ARL5A: variants seen among roughly 807,000 people sequenced by gnomAD.
The protein encoded by ARL5A is ADP-ribosylation factor-like protein 5A.
Under a neutral mutation model 25.9 loss-of-function variants are expected in ARL5A, and 18 were observed. The observed-to-expected ratio is 0.69, with a 90% confidence interval of 0.48 to 1.03. The LOEUF (loss-of-function observed/expected upper bound fraction) is 1.03. ARL5A is among the 50% of genes least tolerant of loss of function. The pLI is 0.00. For missense variants in ARL5A, 170 were observed against 211.9 expected (o/e 0.80, Z 1.23); for synonymous variants, 61 against 67.5 (o/e 0.90, Z 0.47).
At chr2:151,825,216 T>TA (rs945542213) in intron 1 of ARL5A, among the ~76,000 whole-genome samples, 6 of 151,956 alleles carry the variant, frequency 3.9e-5, no homozygotes, top group Non-Finnish European at 7.4e-5. Context: ...AGCTCTTCTA[T>TA]AAAAAAAAGT....
rs1224737339 is a variant in ARL5A at position 151,814,283 on chromosome 2, T to A, written c.141A>T (p.Thr47=). 2 of 1,590,432 alleles carry A rather than the reference T, an allele frequency of 1.3e-6. No homozygotes were observed. ...SMNEVVHTSP[T]IGSNVEEIVI... ...CTATCTCTTCTACATTACTTCCTATTGTAGGAGATGTATGTACAACTTCAT... is the reference window on the plus strand; with the variant it reads ...CTATCTCTTCTACATTACTTCCTATAGTAGGAGATGTATGTACAACTTCAT... The change falls in exon 3 of 6, where the codon ACA becomes ACT. Residue 47 remains threonine, a synonymous_variant. Transcript: ENST00000295087.
intron 4 of ARL5A, among the ~76,000 whole-genome samples, 191 bp downstream of exon 4, chr2:151,812,166 C>T (rs571171474): frequency 6.6e-6 from 1 of 152,268 alleles, no homozygotes; most frequent in African/African-American, 2.4e-5. Flanking sequence ...CAACTTACTC[C>T]ATAATCTTTC....
chr2:151,819,881 C>T (rs1311618365), intron 1 of ARL5A, among the ~76,000 whole-genome samples: 1 of 152,106 alleles, frequency 6.6e-6, no homozygotes, highest in African/African-American at 2.4e-5. Flanking sequence ...TGGTGAAACC[C>T]CATCTCTACT....
At position 151,828,415 on chromosome 2, in the gene ARL5A, T is replaced by A. The variant is rs1368074883; in HGVS notation, c.-239A>T. ...TGGCTCGCGGACATCGCCGCCGCGT[T>A]GTCTGCGACGAGCCTCGCGGGCCAC... On this transcript the variant is annotated 5_prime_UTR_variant, in exon 1 of 6. Coordinates refer to ENST00000295087, the MANE Select transcript of ARL5A (RefSeq NM_012097.4). 1.1e-5 allele frequency: 4 copies of A among 370,872 alleles called. No homozygotes were observed. Among genetic ancestry groups the A allele is most frequent in the Admixed American group, 4.8e-5 (1 of 20,692 alleles). The allele number at this position is 370,872 out of a possible 1,614,324, so 23.0% of individuals were successfully genotyped here.
At chr2:151,828,061 G>A in intron 1 of ARL5A, 70 bp downstream of exon 1, 4 of 1,532,718 alleles carry the variant, frequency 2.6e-6, no homozygotes, top group East Asian at 2.4e-5. Context: ...GAAGTATTCG[G>A]AGACCCCCAC....
chr2:151,819,414 C>T (rs1055019273), intron 1 of ARL5A, among the ~76,000 whole-genome samples: 3 of 152,078 alleles, frequency 2.0e-5, no homozygotes, highest in East Asian at 1.9e-4. Context: ...TGAGCCACCT[C>T]GTATCATCTT....
At chr2:151,827,319 T>C (rs1279684800) in intron 1 of ARL5A, among the ~76,000 whole-genome samples, 5 of 152,238 alleles carry the variant, frequency 3.3e-5, no homozygotes, top group African/African-American at 1.2e-4. Flanking sequence ...ATGTCTGAAG[T>C]TGGCTGAACT....
Position 151,803,338 on chromosome 2 carries a change from A to G in ARL5A, c.492-14T>C. ...CCTTGGCACAATCTATAAAGAAAACAAAATCATTTGATTAAATTCTGAACT... is the reference window on the plus strand; with the variant it reads ...CCTTGGCACAATCTATAAAGAAAACGAAATCATTTGATTAAATTCTGAACT... On this transcript the variant is annotated splice_polypyrimidine_tract_variant and intron_variant, in intron 5 of 5. Coordinates refer to ENST00000295087, the MANE Select transcript of ARL5A (RefSeq NM_012097.4). 1 of 1,606,578 alleles carries G rather than the reference A, an allele frequency of 6.2e-7. No individual in the cohort carries two copies.
At chr2:151,808,477 A>G (rs2099830382) in intron 4 of ARL5A, among the ~76,000 whole-genome samples, 2 of 152,202 alleles carry the variant, frequency 1.3e-5, no homozygotes, top group Admixed American at 1.3e-4. Flanking sequence ...TTATATAACA[A>G]TCAAGACTGA....
chr2:151,826,956 T>C (rs989657895), intron 1 of ARL5A, among the ~76,000 whole-genome samples: 4 of 151,530 alleles, frequency 2.6e-5, no homozygotes, highest in African/African-American at 4.9e-5. Context: ...GCGTAAAAGA[T>C]ACATTAGGGA....
intron 5 of ARL5A, 105 bp downstream of exon 5, chr2:151,806,716 G>C: frequency 1.7e-6 from 2 of 1,167,842 alleles, no homozygotes; most frequent in Non-Finnish European, 2.4e-6. Flanking sequence ...TGTCCCTTAC[G>C]ATGTTTTATA....
At chr2:151,822,199 AG>A (rs1296673408) in intron 1 of ARL5A, among the ~76,000 whole-genome samples, 7 of 151,858 alleles carry the variant, frequency 4.6e-5, no homozygotes, top group African/African-American at 9.7e-5. Flanking sequence ...TAGTAGAGAT[AG>A]GGGTTTTGCC....
At position 151,807,673 on chromosome 2, in the gene ARL5A, C is replaced by T. The variant is rs542706607; in HGVS notation, c.340-701G>A. Among the ~76,000 whole-genome samples the T allele has an allele frequency of 1.5e-3, 224 of 152,296 alleles. 1 individual carries two copies. The highest frequency in any genetic ancestry group is 4.2e-3 in the African/African-American group (176 of 41,576). ...TTCTATCCTAAACCAATCCTATTCA[C>T]CCTAATTTCTGTCATTGTATATGAA... On this transcript the variant is annotated intron_variant, in intron 4 of 5. Coordinates refer to ENST00000295087, the MANE Select transcript of ARL5A (RefSeq NM_012097.4).
In ARL5A at chr2:151,803,038, T is replaced by C. The variant is rs1281024772; in HGVS notation, c.*238A>G. The C allele has an allele frequency of 2.1e-6, 1 of 474,950 alleles. No homozygotes were observed. The highest frequency in any genetic ancestry group is 2.0e-5 in the African/African-American group (1 of 49,610). 29.4% of individuals were successfully genotyped at this position (474,950 alleles called of 1,614,324 possible). A position where few individuals can be genotyped will look rare whatever the true frequency, so the allele number is the denominator to read the frequency against. On this transcript the variant is annotated 3_prime_UTR_variant, in exon 6 of 6. Coordinates refer to ENST00000295087, the MANE Select transcript of ARL5A (RefSeq NM_012097.4). ...CTACACAATGTCCTGAGAGGATTCA[T>C]TATGAGAAAAATGTCAATCACAGCT...
At chr2:151,809,297 T>C (rs2099830509) in intron 4 of ARL5A, among the ~76,000 whole-genome samples, 1 of 152,198 alleles carries the variant, frequency 6.6e-6, no homozygotes, top group African/African-American at 2.4e-5. Context: ...GTATTCACTC[T>C]TAATGATGAA....
At chr2:151,812,649 G>A (rs2099830982) in intron 3 of ARL5A, among the ~76,000 whole-genome samples, 1 of 152,042 alleles carries the variant, frequency 6.6e-6, no homozygotes, top group Non-Finnish European at 1.5e-5. Flanking sequence ...AAGAGAATAT[G>A]ATATTAACAT....
chr2:151,817,398 T>C (rs1042862199), intron 1 of ARL5A, among the ~76,000 whole-genome samples: 2 of 152,244 alleles, frequency 1.3e-5, no homozygotes, highest in Admixed American at 1.3e-4. Context: ...ACTCAATAAA[T>C]GTTGAATTAA....
intron 1 of ARL5A, chr2:151,827,760 C>CT (rs1302398129): frequency 1.4e-5 from 4 of 282,286 alleles, no homozygotes; most frequent in African/African-American, 9.2e-5. Context: ...CCCAGCACTT[C>CT]TATGTGGTGT....
In ARL5A at chr2:151,814,532, G is replaced by A. The variant is rs76970141; in HGVS notation, c.108-216C>T. Among the ~76,000 whole-genome samples, 1,392 of 152,050 alleles carry A rather than the reference G, an allele frequency of 9.2e-3. 23 individuals carry two copies. Among genetic ancestry groups the A allele is most frequent in the African/African-American group, 0.031 (1,280 of 41,492 alleles). On this transcript the variant is annotated intron_variant, in intron 2 of 5. Transcript: ENST00000295087. Reference sequence around the variant, plus strand: ...CTAGGTCATTCCAGGAAACTTTATAGTTTCTACTTTATAGTTTTCTACTTT... The same window carrying A: ...CTAGGTCATTCCAGGAAACTTTATAATTTCTACTTTATAGTTTTCTACTTT...
Sources: gnomAD v4.1 joint callset for allele counts (sites outside exome capture counted in the v4.1 genomes callset) on GRCh38, gnomAD v4.1.1 for gene constraint, MANE v1.5 for transcripts, NCBI Gene and HGNC (gene_info 2026-07-23, HGNC 2026-07-21) for gene names.